MAGI1: variants seen among roughly 807,000 people sequenced by gnomAD.
MAGI1 encodes the protein membrane-associated guanylate kinase, WW and PDZ domain-containing protein 1.
In MAGI1, 58 loss-of-function variants were observed where a neutral mutation model predicts 139.9. The ratio of observed to expected loss-of-function variants is 0.41; its 90% CI spans 0.34 to 0.52. The LOEUF is 0.52. Ranked by LOEUF, MAGI1 falls within the 20% of genes least tolerant of loss-of-function variation. The pLI is 0.12. For synonymous variants in MAGI1, 812 were observed against 737.9 expected, an observed-to-expected ratio of 1.10 and a Z score of -1.63; for missense variants, 1,874 against 1,901.6, an observed-to-expected ratio of 0.99 and a Z score of 0.27.
chr3:65,487,232 C>A (rs1456573776), intron 3 of MAGI1, among the ~76,000 whole-genome samples: 1 of 152,208 alleles, frequency 6.6e-6, no homozygotes, highest in Non-Finnish European at 1.5e-5. Flanking sequence ...CTCTCCCTGT[C>A]TTATGGTCTC....
intron 12 of MAGI1, among the ~76,000 whole-genome samples, chr3:65,429,153 G>C (rs1043685230): frequency 2.0e-5 from 3 of 151,806 alleles, no homozygotes; most frequent in Non-Finnish European, 4.4e-5. Flanking sequence ...TTAGAGAATG[G>C]GGTCTCAATA....
intron 1 of MAGI1, among the ~76,000 whole-genome samples, chr3:65,794,017 C>G (rs1375574212): frequency 1.3e-5 from 2 of 152,088 alleles, no homozygotes; most frequent in African/African-American, 4.8e-5. Context: ...TTCCTCGGAG[C>G]AAGACAGCCA....
chr3:65,739,263 A>G (rs1489516754), intron 1 of MAGI1, among the ~76,000 whole-genome samples: 1 of 152,222 alleles, frequency 6.6e-6, no homozygotes, highest in African/African-American at 2.4e-5. Flanking sequence ...GCCAGCTTCA[A>G]ACTTTTCTTC....
At chr3:65,881,149 G>A (rs1429610803) in intron 1 of MAGI1, among the ~76,000 whole-genome samples, 6 of 152,050 alleles carry the variant, frequency 3.9e-5, no homozygotes, top group Non-Finnish European at 8.8e-5. Context: ...GCCTCCCAAA[G>A]TGCTGGGATT....
intron 3 of MAGI1, among the ~76,000 whole-genome samples, chr3:65,482,224 TAA>T (rs1951336044): frequency 2.0e-5 from 3 of 152,224 alleles, no homozygotes; most frequent in South Asian, 4.1e-4. Context: ...CTTGGGATTC[TAA>T]GAGAACCTAG....
intron 1 of MAGI1, among the ~76,000 whole-genome samples, chr3:65,831,839 TA>T (rs977655269): frequency 6.6e-6 from 1 of 152,210 alleles, no homozygotes; most frequent in Non-Finnish European, 1.5e-5. Flanking sequence ...ATTTGAAATT[TA>T]AAAAGGCAAA....
chr3:65,480,175 A>AAC (rs1553651082), intron 3 of MAGI1, among the ~76,000 whole-genome samples: 5 of 148,916 alleles, frequency 3.4e-5, no homozygotes, highest in Non-Finnish European at 6.0e-5. Context: ...AAAAAAAAAA[A>AAC]CACAAAAAAC....
chr3:65,971,367 C>G (rs1358118766), intron 1 of MAGI1, among the ~76,000 whole-genome samples: 2 of 152,122 alleles, frequency 1.3e-5, no homozygotes, highest in South Asian at 2.1e-4. Context: ...CTGAAGAAAA[C>G]AAACCCTGGC....
At chr3:65,680,914 T>C (rs2087551094) in intron 1 of MAGI1, among the ~76,000 whole-genome samples, 2 of 152,336 alleles carry the variant, frequency 1.3e-5, no homozygotes, top group East Asian at 3.9e-4. Flanking sequence ...TTTCTTGTAA[T>C]GGGACGGAAA....
At chr3:65,972,652 G>T (rs1257914648) in intron 1 of MAGI1, among the ~76,000 whole-genome samples, 1 of 152,250 alleles carries the variant, frequency 6.6e-6, no homozygotes, top group Admixed American at 6.5e-5. Flanking sequence ...AGGACTGGGT[G>T]AGATCAGCTG....
intron 1 of MAGI1, among the ~76,000 whole-genome samples, chr3:65,860,145 C>T (rs914567563): frequency 6.6e-6 from 1 of 151,980 alleles, no homozygotes; most frequent in African/African-American, 2.4e-5. Context: ...ATCCACCTGC[C>T]TAGGCCTCCC....
chr3:65,890,881 A>C (rs1159276846), intron 1 of MAGI1, among the ~76,000 whole-genome samples: 1 of 152,222 alleles, frequency 6.6e-6, no homozygotes, highest in African/African-American at 2.4e-5. Context: ...AAAGAAAAAC[A>C]AAAATAAAAT....
At chr3:65,363,714 A>T in intron 20 of MAGI1, 106 bp from the exon 21 acceptor site, 1 of 865,096 alleles carries the variant, frequency 1.2e-6, no homozygotes, top group East Asian at 2.6e-5. Context: ...CCTCTTGGTG[A>T]CTCTTGTTTA....
chr3:66,008,252 C>T (rs2067135503), intron 1 of MAGI1, among the ~76,000 whole-genome samples: 1 of 152,152 alleles, frequency 6.6e-6, no homozygotes, highest in South Asian at 2.1e-4. Flanking sequence ...ATCAGCATCA[C>T]GTGGGAGTTT....
intron 3 of MAGI1, among the ~76,000 whole-genome samples, chr3:65,492,894 C>G (rs146481680): frequency 6.6e-6 from 1 of 151,664 alleles, no homozygotes; most frequent in Non-Finnish European, 1.5e-5. Flanking sequence ...CTGGCTAACA[C>G]GGTGAAACCC....
chr3:65,790,569 T>C (rs561778691), intron 1 of MAGI1, among the ~76,000 whole-genome samples: 2 of 152,360 alleles, frequency 1.3e-5, no homozygotes, highest in African/African-American at 4.8e-5. Flanking sequence ...CGGCCTATTT[T>C]TCCTACAACA....
chr3:65,760,457 T>A (rs9838560), intron 1 of MAGI1, among the ~76,000 whole-genome samples: 1 of 151,460 alleles, frequency 6.6e-6, no homozygotes, highest in African/African-American at 2.4e-5. Context: ...GGCACACTCA[T>A]AGCTCACAGC....
Position 66,036,427 on chromosome 3 carries a change from T to G in MAGI1, c.313+1569A>C, listed in dbSNP as rs115007900. ...ATGAGCTCACTACCTTGTATGGAAA[T>G]GAGGACCTAACTCAGAGTTCAGAGT... is the stretch of plus-strand genomic sequence containing the variant. On this transcript the variant is annotated intron_variant, in intron 1 of 22. Transcript: ENST00000402939. Among the ~76,000 whole-genome samples the G allele has an allele frequency of 9.8e-3, 1,494 of 152,064 alleles. 8 individuals carry two copies. Among genetic ancestry groups the G allele is most frequent in the Non-Finnish European group, 0.017 (1,148 of 68,000 alleles).
intron 2 of MAGI1, among the ~76,000 whole-genome samples, chr3:65,594,671 A>G (rs2082105079): frequency 6.6e-6 from 1 of 152,226 alleles, no homozygotes; most frequent in African/African-American, 2.4e-5. Context: ...TTATCAACAT[A>G]AGAAATTTTT....
Sources: gnomAD v4.1 joint callset for allele counts (sites outside exome capture counted in the v4.1 genomes callset) on GRCh38, gnomAD v4.1.1 for gene constraint, MANE v1.5 for transcripts, NCBI Gene and HGNC (gene_info 2026-07-23, HGNC 2026-07-21) for gene names.